GPR89A: variants seen among roughly 807,000 people sequenced by gnomAD.
GPR89A encodes golgi pH regulator A.
In GPR89A, 16 loss-of-function variants were observed where a neutral mutation model predicts 52.0. The ratio of observed to expected loss-of-function variants is 0.31; its 90% CI spans 0.21 to 0.47. GPR89A has a LOEUF of 0.47. Among genes scored for constraint, GPR89A ranks in the 20% least tolerant of loss-of-function variants. The pLI, the probability that GPR89A is intolerant of heterozygous loss-of-function variation, is 1.00. For synonymous variants in GPR89A, 55 were observed against 150.9 expected (o/e 0.36, Z 4.66); for missense variants, 135 against 449.4 (o/e 0.30, Z 6.33).
At chr1:145,647,871 C>A (rs1185631122) in intron 10 of GPR89A, among the ~76,000 whole-genome samples, 22 of 88,426 alleles carry the variant, frequency 2.5e-4, no homozygotes, top group African/African-American at 6.0e-4. Flanking sequence ...CTCTCTCTCT[C>A]TCTCTCTCTA....
Position 145,646,224 on chromosome 1 carries a change from A to T in GPR89A, c.768A>T (p.Glu256Asp), listed in dbSNP as rs1650981295. The change falls in exon 9 of 14, where the codon GAA becomes GAT. Residue 256 changes from glutamate (E) to aspartate (D), a missense_variant. Transcript: ENST00000313835. ...LIQQEVDALE[E>D]LSRQLFLETA... ...AACAGGAAGTGGATGCTTTGGAAGA[A>T]TTAAGCAGGCAGCTTTTTCTGGAAA... 1 of 1,612,658 alleles carries T rather than the reference A, an allele frequency of 6.2e-7. No individual in the cohort carries two copies. Among genetic ancestry groups the T allele is most frequent in the Admixed American group, 1.7e-5 (1 of 59,926 alleles).
intron 7 of GPR89A, among the ~76,000 whole-genome samples, chr1:145,639,583 C>G (rs1400746239): frequency 1.3e-5 from 2 of 151,148 alleles, no homozygotes; most frequent in Non-Finnish European, 1.5e-5. Context: ...CCCGTCTCTA[C>G]TAAAAATACA....
At chr1:145,655,307 A>G (rs1559046309) in intron 10 of GPR89A, among the ~76,000 whole-genome samples, 2 of 151,962 alleles carry the variant, frequency 1.3e-5, no homozygotes, top group Non-Finnish European at 2.9e-5. Flanking sequence ...CAGTGCATCC[A>G]TCTCAGCCTC....
intron 10 of GPR89A, among the ~76,000 whole-genome samples, chr1:145,655,727 G>A (rs1553694400): frequency 6.6e-6 from 1 of 152,176 alleles, no homozygotes; most frequent in African/African-American, 2.4e-5. Flanking sequence ...TGTATAAGAT[G>A]TCTGGCAACC....
At chr1:145,654,008 A>G (rs181597389) in intron 10 of GPR89A, among the ~76,000 whole-genome samples, 12 of 152,276 alleles carry the variant, frequency 7.9e-5, no homozygotes, top group African/African-American at 2.6e-4. Flanking sequence ...TGTCATCATG[A>G]TGCTAGCTGG....
At chr1:145,667,514 T>C (rs1277260307) in intron 12 of GPR89A, among the ~76,000 whole-genome samples, 1 of 152,186 alleles carries the variant, frequency 6.6e-6, no homozygotes, top group Non-Finnish European at 1.5e-5. Context: ...TCTCCCATTC[T>C]GTAGGTTGCC....
intron 10 of GPR89A, among the ~76,000 whole-genome samples, chr1:145,657,922 TA>T (rs1380186346): frequency 6.6e-6 from 1 of 151,670 alleles, no homozygotes; most frequent in East Asian, 1.9e-4. Context: ...GTTCTTAATA[TA>T]TTCATAGTTT....
chr1:145,622,131 C>T, intron 3 of GPR89A, among the ~76,000 whole-genome samples: 1 of 152,190 alleles, frequency 6.6e-6, no homozygotes, highest in Non-Finnish European at 1.5e-5. Flanking sequence ...CACACACATT[C>T]CTAGCGTCTC....
chr1:145,642,557 T>G (rs1474523246), intron 7 of GPR89A, among the ~76,000 whole-genome samples: 1 of 152,224 alleles, frequency 6.6e-6, no homozygotes, highest in African/African-American at 2.4e-5. Flanking sequence ...TCTTTCTTGT[T>G]AATATCATTT....
At chr1:145,656,398 G>C (rs1651810617) in intron 10 of GPR89A, among the ~76,000 whole-genome samples, 1 of 152,050 alleles carries the variant, frequency 6.6e-6, no homozygotes, top group South Asian at 2.1e-4. Context: ...TCCTTGATTG[G>C]GGGTGGGAAC....
chr1:145,637,940 G>C (rs1397574460), intron 7 of GPR89A, among the ~76,000 whole-genome samples: 2 of 148,572 alleles, frequency 1.3e-5, no homozygotes, highest in East Asian at 4.1e-4. Flanking sequence ...GGGAGGCCGA[G>C]GTGGTTGGAC....
chr1:145,647,089 C>G, intron 9 of GPR89A, 86 bp from the exon 10 acceptor site: 2 of 1,525,540 alleles, frequency 1.3e-6, no homozygotes, highest in Non-Finnish European at 1.8e-6. Flanking sequence ...TTAGCCTGAA[C>G]AGTGATTCAT....
chr1:145,615,273 A>G (rs1553686752), intron 1 of GPR89A, among the ~76,000 whole-genome samples: 1 of 152,222 alleles, frequency 6.6e-6, no homozygotes, highest in Admixed American at 6.5e-5. Flanking sequence ...AAAAAATATT[A>G]GGCTTTCTAC....
chr1:145,656,641 T>A (rs1254727194), intron 10 of GPR89A, among the ~76,000 whole-genome samples: 2 of 152,196 alleles, frequency 1.3e-5, no homozygotes, highest in African/African-American at 4.8e-5. Context: ...TTTAATTAAG[T>A]TGTTCCTTTC....
chr1:145,617,916 C>G (rs1553687350), intron 2 of GPR89A, among the ~76,000 whole-genome samples: 1 of 151,760 alleles, frequency 6.6e-6, no homozygotes, highest in African/African-American at 2.4e-5. Flanking sequence ...AGATTTTCTT[C>G]TGCCCAATAC....
chr1:145,620,005 A>G (rs1253499044), intron 3 of GPR89A, among the ~76,000 whole-genome samples: 1 of 151,780 alleles, frequency 6.6e-6, no homozygotes, highest in Non-Finnish European at 1.5e-5. Context: ...ACAGAGCAAG[A>G]CTCCATCTCA....
chr1:145,616,952 A>C (rs1307635124), intron 2 of GPR89A, among the ~76,000 whole-genome samples: 2 of 152,190 alleles, frequency 1.3e-5, no homozygotes, highest in Non-Finnish European at 2.9e-5. Context: ...AGAGGCAAAA[A>C]TTAGAATTAC....
intron 10 of GPR89A, among the ~76,000 whole-genome samples, chr1:145,653,361 T>C (rs1553693945): frequency 2.3e-5 from 2 of 87,302 alleles, no homozygotes; most frequent in Non-Finnish European, 4.5e-5. Context: ...TCAGTTCTTT[T>C]GCATTTGCTG....
At position 145,653,075 on chromosome 1, in the gene GPR89A, C is replaced by T. The variant is rs1378305045; in HGVS notation, c.909+5808C>T. ...TCTTTTAGTTGTGATGTTAGGGTGTCGATTTGAGATCTTTCTAGCTTTTTG... is the reference window on the plus strand; with the variant it reads ...TCTTTTAGTTGTGATGTTAGGGTGTTGATTTGAGATCTTTCTAGCTTTTTG... On this transcript the variant is annotated intron_variant, in intron 10 of 13. Coordinates refer to ENST00000313835, the MANE Select transcript of GPR89A (RefSeq NM_001097612.2). 7.4e-5 allele frequency among the ~76,000 whole-genome samples: 11 copies of T among 148,528 alleles called. No individual in the cohort carries two copies. The East Asian group carries it at 7.9e-4, about 11-fold the overall frequency.
Sources: gnomAD v4.1 joint callset for allele counts (sites outside exome capture counted in the v4.1 genomes callset) on GRCh38, gnomAD v4.1.1 for gene constraint, MANE v1.5 for transcripts, NCBI Gene and HGNC (gene_info 2026-07-23, HGNC 2026-07-21) for gene names.